The following MMP9 variants were observed in gnomAD, a reference collection of about 807,000 sequenced individuals.
The protein encoded by MMP9 is matrix metallopeptidase 9.
In MMP9, 73 loss-of-function variants were observed where a neutral mutation model predicts 76.4. The observed-to-expected ratio is 0.96, with a 90% CI of 0.79 to 1.16. The LOEUF (loss-of-function observed/expected upper bound fraction) is 1.16. Among genes scored for constraint, MMP9 ranks in the 50% most tolerant of loss-of-function variants. MMP9 has a pLI of 0.00. For missense variants in MMP9, 943 were observed against 973.0 expected (o/e 0.97, Z 0.41); for synonymous variants, 412 against 408.4 (o/e 1.01, Z -0.11).
chr20:46,012,665 G>T, intron 8 of MMP9, 83 bp downstream of exon 8: 1 of 1,539,522 alleles, frequency 6.5e-7, no homozygotes, highest in Non-Finnish European at 8.8e-7. Flanking sequence ...TTGGGGATCG[G>T]GGGAGGAACG....
chr20:46,014,194 A>C lies in MMP9; in HGVS notation c.1821A>C (p.Gly607=), dbSNP rs13969. 0.57 allele frequency: 879,786 copies of C among 1,537,284 alleles called. 257,695 individuals are homozygous for C. The highest frequency in any genetic ancestry group is 0.61 in the Non-Finnish European group (699,624 of 1,144,584). ...GPRRLDKLGL[G]ADVAQVTGAL... The stretch of plus-strand genomic sequence containing the variant: ...GGCGTCTGGACAAGCTGGGCCTGGG[A>C]GCCGACGTGGCCCAGGTGACCGGGG... Residue 607 remains glycine, a synonymous_variant, in exon 11 of 13, where the codon GGA becomes GGC. Transcript: ENST00000372330.
In MMP9 at chr20:46,010,640, G is replaced by A. The variant is rs201044639; in HGVS notation, c.520+9G>A. 16 of 1,611,356 alleles carry A rather than the reference G, an allele frequency of 9.9e-6. No homozygotes were observed. Among genetic ancestry groups the A allele is most frequent in the East Asian group, 2.2e-5 (1 of 44,812 alleles). On this transcript the variant is annotated intron_variant, in intron 3 of 12. Coordinates refer to ENST00000372330, the MANE Select transcript of MMP9 (RefSeq NM_004994.3). ...CCAGTTTGGTGTCGCGGGTGAGAACGTGAGGAGGGAAAATCCAAGAGACCT... is the reference window on the plus strand; with the variant it reads ...CCAGTTTGGTGTCGCGGGTGAGAACATGAGGAGGGAAAATCCAAGAGACCT...
At chr20:46,014,095 C>T (rs1289089940) in intron 10 of MMP9, 29 bp from the exon 11 acceptor site, 57 of 1,534,090 alleles carry the variant, frequency 3.7e-5, no homozygotes, top group Non-Finnish European at 4.9e-5. Context: ...TCTGCGCCCC[C>T]AAACCGACGT....
chr20:46,014,731 T>G, intron 12 of MMP9: 1 of 559,776 alleles, frequency 1.8e-6, no homozygotes, highest in Non-Finnish European at 3.2e-6. Flanking sequence ...GTGGTTTGTA[T>G]GGAAGCTCAG....
In MMP9 at chr20:46,010,504, C is replaced by T; in HGVS notation, c.393C>T (p.Asp131=). The change falls in exon 3 of 13, where the codon GAC becomes GAT. Residue 131 remains aspartate (D), a synonymous_variant. Transcript: ENST00000372330. ...ACAGGATCCAAAACTACTCGGAAGA[C>T]TTGCCGCGGGCGGTGATTGACGACG... ...ITYWIQNYSE[D]LPRAVIDDAF... 1 of 1,614,206 alleles carries T rather than the reference C, an allele frequency of 6.2e-7. No homozygotes were observed. Among genetic ancestry groups the T allele is most frequent in the Non-Finnish European group, 8.5e-7 (1 of 1,180,048 alleles).
At chr20:46,015,757 T>C (rs906375107) in intron 12 of MMP9, among the ~76,000 whole-genome samples, 1 of 152,228 alleles carries the variant, frequency 6.6e-6, no homozygotes, top group Non-Finnish European at 1.5e-5. Context: ...AGCCGCTTTC[T>C]ATATTTTCAA....
In MMP9 at chr20:46,013,137, A is replaced by G; in HGVS notation, c.1331-118A>G. On this transcript the variant is annotated intron_variant, in intron 8 of 12. Coordinates refer to ENST00000372330, the MANE Select transcript of MMP9 (RefSeq NM_004994.3). This position sits in a 1 kb window ranked among gnomAD's most constrained non-coding sequence, Gnocchi z 4.5. ...TCCTGTGGTTTGGGAAGGGAGGCTGAGTGAGGAGGGGCCTGTGTGCCAGAG... is the reference window on the plus strand; with the variant it reads ...TCCTGTGGTTTGGGAAGGGAGGCTGGGTGAGGAGGGGCCTGTGTGCCAGAG... The G allele has an allele frequency of 8.3e-7, 1 of 1,197,896 alleles. No homozygotes were observed. Among genetic ancestry groups the G allele is most frequent in the Non-Finnish European group, 1.2e-6 (1 of 805,888 alleles). 74.2% of individuals were successfully genotyped at this position (1,197,896 alleles called of 1,614,324 possible).
rs1192464251 is a variant in MMP9, at chr20:46,013,071, A to T, written c.1331-184A>T. Reference sequence around the variant, plus strand: ...GCACCACTGCATTCCATCCTGGGCCATAGAGGATGTCGCTTAAAACGAAAA... The same window carrying T: ...GCACCACTGCATTCCATCCTGGGCCTTAGAGGATGTCGCTTAAAACGAAAA... On this transcript the variant is annotated intron_variant, in intron 8 of 12. Transcript: ENST00000372330. The surrounding 1 kb of genome is among the most constrained non-coding windows in gnomAD (Gnocchi z 4.5). Among the ~76,000 whole-genome samples the T allele has an allele frequency of 6.6e-6, 1 of 152,174 alleles. No homozygotes were observed. The highest frequency in any genetic ancestry group is 6.5e-5 in the Admixed American group (1 of 15,288).
rs201417784 is a variant in MMP9, at chr20:46,012,460, T to A, written c.1208T>A (p.Phe403Tyr). 4.3e-6 allele frequency: 7 copies of A among 1,614,148 alleles called. No individual in the cohort carries two copies. The African/African-American group carries it at 8.0e-5, about 18-fold the overall frequency. ...YSLFLVAAHE[F>Y]GHALGLDHSS... Reference sequence around the variant, plus strand: ...TTGTTCCTCGTGGCGGCGCATGAGTTCGGCCACGCGCTGGGCTTAGATCAT... The same window carrying A: ...TTGTTCCTCGTGGCGGCGCATGAGTACGGCCACGCGCTGGGCTTAGATCAT... Residue 403 changes from phenylalanine to tyrosine, a missense_variant, in exon 8 of 13, where the codon TTC becomes TAC. Coordinates refer to ENST00000372330, the MANE Select transcript of MMP9 (RefSeq NM_004994.3).
chr20:46,014,091 C>T (rs892440852), intron 10 of MMP9, 33 bp from the exon 11 acceptor site: 2 of 1,533,908 alleles, frequency 1.3e-6, no homozygotes, highest in Admixed American at 3.9e-5. Context: ...TCCCTCTGCG[C>T]CCCCAAACCG....
intron 12 of MMP9, 140 bp from the exon 13 acceptor site, chr20:46,016,110 T>G: frequency 1.3e-5 from 11 of 819,058 alleles, no homozygotes; most frequent in Non-Finnish European, 2.3e-5. Context: ...ATCTCACAGG[T>G]TGGGGGGATG....
At position 46,008,939 on chromosome 20, in the gene MMP9, C is replaced by A. The variant is rs1416299149; in HGVS notation, c.13C>A (p.Gln5Lys). 1.2e-6 allele frequency: 2 copies of A among 1,613,800 alleles called. No homozygotes were observed. The highest frequency in any genetic ancestry group is 4.5e-5 in the East Asian group (2 of 44,876). MSLWQPLVLVLLVLG... is the reference protein window; with the variant it reads MSLWKPLVLVLLVLG... ...CTCTGCCCTCACCATGAGCCTCTGG[C>A]AGCCCCTGGTCCTGGTGCTCCTGGT... Residue 5 changes from glutamine (Q) to lysine (K), a missense_variant, in exon 1 of 13, where the codon CAG becomes AAG. Transcript: ENST00000372330.
Position 46,012,314 on chromosome 20 carries a change from G to A in MMP9, c.1174+1G>A. The stretch of plus-strand genomic sequence containing the variant: ...AAGTGGGGCTTCTGCCCGGACCAAG[G>A]TAGGCGTGGTCCCGCGGCTCCGGGG... On this transcript the variant is annotated splice_donor_variant, in intron 7 of 12. Coordinates refer to ENST00000372330, the MANE Select transcript of MMP9 (RefSeq NM_004994.3). LOFTEE classifies it high-confidence loss of function. 1 of 1,613,172 alleles carries A rather than the reference G, an allele frequency of 6.2e-7. No individual in the cohort carries two copies. Among genetic ancestry groups the A allele is most frequent in the Non-Finnish European group, 8.5e-7 (1 of 1,179,976 alleles).
At position 46,012,584 on chromosome 20, in the gene MMP9, T is replaced by C; in HGVS notation, c.1330+2T>C. 6.2e-7 allele frequency: 1 copy of C among 1,605,252 alleles called. No homozygotes were observed. Among genetic ancestry groups the C allele is most frequent in the Non-Finnish European group, 8.5e-7 (1 of 1,177,994 alleles). On this transcript the variant is annotated splice_donor_variant, in intron 8 of 12. Transcript: ENST00000372330. LOFTEE classifies it high-confidence loss of function. Reference sequence around the variant, plus strand: ...TGAATGGCATCCGGCACCTCTATGGTGAGGCAGGGGCAGGGATGGGAGGAG... The same window carrying C: ...TGAATGGCATCCGGCACCTCTATGGCGAGGCAGGGGCAGGGATGGGAGGAG...
At chr20:46,014,611 C>A in intron 12 of MMP9, 137 bp downstream of exon 12, 2 of 923,624 alleles carry the variant, frequency 2.2e-6, no homozygotes, top group Non-Finnish European at 1.7e-6. Flanking sequence ...CCAGCAGAGG[C>A]AGAGGCCTTC....
intron 12 of MMP9, 42 bp downstream of exon 12, chr20:46,014,516 G>A (rs200406973): frequency 3.1e-5 from 47 of 1,524,330 alleles, no homozygotes; most frequent in Non-Finnish European, 4.1e-5. Flanking sequence ...ACCACACTAA[G>A]CTCCTCTTAG....
Position 46,014,275 on chromosome 20 carries a change from G to A in MMP9, c.1901+1G>A. 1 of 1,525,726 alleles carries A rather than the reference G, an allele frequency of 6.6e-7. No homozygotes were observed. 94.5% of individuals were successfully genotyped at this position (1,525,726 alleles called of 1,614,324 possible). On this transcript the variant is annotated splice_donor_variant, in intron 11 of 12. Coordinates refer to ENST00000372330, the MANE Select transcript of MMP9 (RefSeq NM_004994.3). LOFTEE classifies it high-confidence loss of function. Reference sequence around the variant, plus strand: ...TGTTCAGCGGGCGGCGCCTCTGGAGGTGAGCGCCGCCGCGGCCGCCGGCAG... The same window carrying A: ...TGTTCAGCGGGCGGCGCCTCTGGAGATGAGCGCCGCCGCGGCCGCCGGCAG...
At chr20:46,009,703 G>A (rs534529306) in intron 1 of MMP9, among the ~76,000 whole-genome samples, 163 bp from the exon 2 acceptor site, 3 of 152,200 alleles carry the variant, frequency 2.0e-5, no homozygotes, top group South Asian at 4.1e-4. Context: ...TGGGAGGATC[G>A]CTTGAGTCCA....
chr20:46,011,745 G>A lies in MMP9; in HGVS notation c.995G>A (p.Arg332Gln), dbSNP rs1163227924. 1.9e-6 allele frequency: 3 copies of A among 1,610,202 alleles called. No individual in the cohort carries two copies. Among genetic ancestry groups the A allele is most frequent in the South Asian group, 1.1e-5 (1 of 90,996 alleles). ...AAGCTCTTCGGCTTCTGCCCGACCC[G>A]AGGTACCTCCACCCTGTCTACCAGG... ...RDKLFGFCPT[R>Q]ADSTVMGGNS... The change falls in exon 6 of 13, where the codon CGA becomes CAA. Residue 332 changes from arginine to glutamine, a missense_variant and splice_region_variant. Transcript: ENST00000372330.
Sources: allele counts gnomAD v4.1 joint callset (sites outside exome capture counted in the v4.1 genomes callset), GRCh38; gene constraint gnomAD v4.1.1; non-coding constraint Gnocchi (gnomAD v3.1); transcripts MANE v1.5; gene names NCBI Gene and HGNC (gene_info 2026-07-23, HGNC 2026-07-21).